The following TRIM44 variants were observed in gnomAD, a reference collection of about 807,000 sequenced individuals.
The protein encoded by TRIM44 is tripartite motif-containing protein 44.
Under a neutral mutation model 37.4 loss-of-function variants are expected in TRIM44, and 13 were observed. The observed-to-expected ratio is 0.35, with a 90% CI of 0.23 to 0.55. The LOEUF is 0.55. TRIM44 is among the 20% of genes least tolerant of loss of function. The probability of loss-of-function intolerance (pLI) is 0.89; values close to 1 mark genes in which losing one functional copy is unlikely to be tolerated. For synonymous variants in TRIM44, 175 were observed against 157.2 expected (o/e 1.11, Z -0.85); for missense variants, 426 against 437.2 (o/e 0.97, Z 0.23).
chr11:35,769,404 G>T (rs2133864815), intron 4 of TRIM44, among the ~76,000 whole-genome samples: 1 of 152,326 alleles, frequency 6.6e-6, no homozygotes, highest in Middle Eastern at 3.4e-3. Flanking sequence ...GGCTGGAAAT[G>T]CAGAGGAGTC....
intron 4 of TRIM44, among the ~76,000 whole-genome samples, chr11:35,802,787 C>G (rs1231521151): frequency 1.3e-5 from 2 of 152,136 alleles, no homozygotes; most frequent in Non-Finnish European, 2.9e-5. Context: ...CTCAGCCTTT[C>G]TAGTTAGTAC....
In TRIM44 at chr11:35,812,011, T is replaced by G. The variant is rs1360892083; in HGVS notation, c.*5626T>G. 6.6e-6 allele frequency: 1 copy of G among 152,358 alleles called. No individual in the cohort carries two copies. The highest frequency in any genetic ancestry group is 1.9e-4 in the East Asian group (1 of 5,164). The allele number at this position is 152,358 out of a possible 1,614,324, so 9.4% of individuals were successfully genotyped here. A position where few individuals can be genotyped will look rare whatever the true frequency, so the allele number is the denominator to read the frequency against. The stretch of plus-strand genomic sequence containing the variant: ...CTGGTGGGGTGGCACTGCCTGCCAC[T>G]GTAGCACTTAGGAGTCTTCAGTGTT... On this transcript the variant is annotated 3_prime_UTR_variant, in exon 5 of 5. Coordinates refer to ENST00000299413, the MANE Select transcript of TRIM44 (RefSeq NM_017583.6).
At chr11:35,708,992 C>CA (rs200530093) in intron 2 of TRIM44, among the ~76,000 whole-genome samples, 1 of 118,192 alleles carries the variant, frequency 8.5e-6, no homozygotes, top group Non-Finnish European at 1.8e-5. Flanking sequence ...GCCCCCCCCC[C>CA]AAAAAAAAAG....
chr11:35,729,208 G>A (rs116543216), intron 3 of TRIM44, among the ~76,000 whole-genome samples: 1,904 of 152,164 alleles, frequency 0.013, 44 homozygotes, highest in African/African-American at 0.043. Flanking sequence ...GCTTCTGGAA[G>A]CAAACATCAT....
intron 4 of TRIM44, among the ~76,000 whole-genome samples, chr11:35,748,109 T>G (rs1852514177): frequency 6.6e-6 from 1 of 152,114 alleles, no homozygotes; most frequent in Non-Finnish European, 1.5e-5. Context: ...GAAAGAAGAT[T>G]GTCACGTAGG....
At chr11:35,717,859 G>A (rs1181429561) in intron 2 of TRIM44, among the ~76,000 whole-genome samples, 1 of 151,714 alleles carries the variant, frequency 6.6e-6, no homozygotes. Flanking sequence ...AAAATGAAAA[G>A]CCAAACTCAG....
intron 4 of TRIM44, among the ~76,000 whole-genome samples, chr11:35,777,813 G>T (rs990848516): frequency 2.0e-5 from 3 of 152,090 alleles, no homozygotes; most frequent in Admixed American, 2.0e-4. Context: ...TAGGGTTTCT[G>T]CCCAGAGATC....
chr11:35,686,669 G>T (rs570240699), intron 2 of TRIM44, among the ~76,000 whole-genome samples: 1 of 152,190 alleles, frequency 6.6e-6, no homozygotes, highest in South Asian at 2.1e-4. Flanking sequence ...TGATTCTCCT[G>T]CCTCAGCCGC....
At chr11:35,775,308 C>T (rs1852941310) in intron 4 of TRIM44, among the ~76,000 whole-genome samples, 1 of 152,148 alleles carries the variant, frequency 6.6e-6, no homozygotes, top group Non-Finnish European at 1.5e-5. Context: ...GTGATTTTTA[C>T]ACATTGATTT....
chr11:35,804,597 T>C (rs538862230), intron 4 of TRIM44, among the ~76,000 whole-genome samples: 2 of 152,318 alleles, frequency 1.3e-5, no homozygotes, highest in Admixed American at 1.3e-4. Flanking sequence ...TTGGATGTAA[T>C]ACCAAAGGGG....
At chr11:35,797,687 T>G (rs745473194) in intron 4 of TRIM44, among the ~76,000 whole-genome samples, 10 of 152,120 alleles carry the variant, frequency 6.6e-5, no homozygotes, top group Non-Finnish European at 1.3e-4. Context: ...TGAGGGACAT[T>G]CTGCAAAATA....
chr11:35,701,597 C>T (rs185992990), intron 2 of TRIM44, among the ~76,000 whole-genome samples: 3 of 152,272 alleles, frequency 2.0e-5, no homozygotes, highest in East Asian at 1.9e-4. Flanking sequence ...ACCACAGTCA[C>T]GTGGTTACAA....
chr11:35,761,292 A>G (rs1222991562), intron 4 of TRIM44, among the ~76,000 whole-genome samples: 1 of 152,156 alleles, frequency 6.6e-6, no homozygotes, highest in Non-Finnish European at 1.5e-5. Context: ...TGTCTGCTAT[A>G]TTATACCAAC....
rs894125662 is a variant in TRIM44, at chr11:35,673,329, C to T, written c.669+9549C>T. 1.2e-4 allele frequency among the ~76,000 whole-genome samples: 18 copies of T among 152,204 alleles called. No homozygotes were observed. In the South Asian group the frequency reaches 1.9e-3, roughly 16 times the overall value. ...GAAATTTTCCTATTGTGTTACCATTCGATGCTACTGTATAGAGTCCAGTGA... is the reference window on the plus strand; with the variant it reads ...GAAATTTTCCTATTGTGTTACCATTTGATGCTACTGTATAGAGTCCAGTGA... On this transcript the variant is annotated intron_variant, in intron 1 of 4. Coordinates refer to ENST00000299413, the MANE Select transcript of TRIM44 (RefSeq NM_017583.6).
intron 4 of TRIM44, among the ~76,000 whole-genome samples, chr11:35,749,434 C>G (rs1200734948): frequency 6.6e-6 from 1 of 152,118 alleles, no homozygotes; most frequent in Non-Finnish European, 1.5e-5. Flanking sequence ...CCTGTAATCC[C>G]AGCACTTTGA....
At chr11:35,709,113 G>C (rs1163536417) in intron 2 of TRIM44, among the ~76,000 whole-genome samples, 1 of 152,036 alleles carries the variant, frequency 6.6e-6, no homozygotes, top group Admixed American at 6.6e-5. Flanking sequence ...ATTTCCTTTG[G>C]ATGGGGATAG....
chr11:35,676,461 C>G (rs1304982244), intron 1 of TRIM44, among the ~76,000 whole-genome samples: 1 of 152,180 alleles, frequency 6.6e-6, no homozygotes, highest in Non-Finnish European at 1.5e-5. Flanking sequence ...GGAGAAGAGG[C>G]TTCTGTATAT....
intron 4 of TRIM44, among the ~76,000 whole-genome samples, chr11:35,750,959 C>T (rs1160683992): frequency 6.8e-6 from 1 of 146,722 alleles, no homozygotes; most frequent in Non-Finnish European, 1.5e-5. Context: ...CTTGGATGTA[C>T]ATAATTCCAT....
chr11:35,669,280 G>T (rs755664934), intron 1 of TRIM44, among the ~76,000 whole-genome samples: 6 of 152,074 alleles, frequency 3.9e-5, no homozygotes, highest in Non-Finnish European at 7.4e-5. Flanking sequence ...ACTTTCAGGA[G>T]GACCTTGCCC....
Sources: allele counts gnomAD v4.1 joint callset (sites outside exome capture counted in the v4.1 genomes callset), GRCh38; gene constraint gnomAD v4.1.1; transcripts MANE v1.5; gene names NCBI Gene and HGNC (gene_info 2026-07-23, HGNC 2026-07-21).